TTLL13: variants seen among roughly 807,000 people sequenced by gnomAD.
TTLL13 encodes tubulin tyrosine ligase like 13, also known as tubulin polyglutamylase TTLL13.
chr15:90,251,681 G>A, the TTLL13 span: 1 of 1,493,394 alleles, frequency 6.7e-7, no homozygotes, highest in Non-Finnish European at 9.3e-7. Context: ...CCCCCGATCA[G>A]GCTTCCAGCC....
At chr15:90,250,719 C>G in the TTLL13 span, 8 of 1,614,114 alleles carry the variant, frequency 5.0e-6, no homozygotes, top group Admixed American at 1.3e-4. Context: ...GAGGGAGTTA[C>G]CAACCCCTCT....
the TTLL13 span, chr15:90,264,773 G>A: frequency 6.5e-7 from 1 of 1,536,112 alleles, no homozygotes; most frequent in South Asian, 1.2e-5. Flanking sequence ...GGCAGGATCA[G>A]TGCCACCCAC....
the TTLL13 span, among the ~76,000 whole-genome samples, chr15:90,253,003 A>G: frequency 1.3e-5 from 2 of 152,058 alleles, no homozygotes; most frequent in African/African-American, 4.8e-5. Flanking sequence ...TCTCTAAAAA[A>G]CAAACAAACA....
At chr15:90,259,119 TTG>T in the TTLL13 span, 3 of 1,329,674 alleles carry the variant, frequency 2.3e-6, no homozygotes, top group African/African-American at 3.0e-5. Flanking sequence ...TCCCAGCACT[TTG>T]GGAGGCTGAG....
At chr15:90,263,565 A>G in the TTLL13 span, 2 of 552,944 alleles carry the variant, frequency 3.6e-6, no homozygotes, top group East Asian at 5.6e-5. Flanking sequence ...CGCTTTCACT[A>G]TTCCCTGGGC....
the TTLL13 span, chr15:90,263,978 C>T: frequency 2.0e-6 from 3 of 1,535,912 alleles, no homozygotes; most frequent in African/African-American, 4.1e-5. Flanking sequence ...GGAGAGCCGG[C>T]AGCCATCAAC....
the TTLL13 span, chr15:90,258,105 A>G: frequency 6.2e-7 from 1 of 1,614,204 alleles, no homozygotes; most frequent in Non-Finnish European, 8.5e-7. Context: ...GTGGGGGGAC[A>G]TCGAGGACAT....
chr15:90,255,257 G>A, the TTLL13 span, among the ~76,000 whole-genome samples: 21 of 152,214 alleles, frequency 1.4e-4, no homozygotes, highest in Non-Finnish European at 2.9e-5. Context: ...CACCCATCCA[G>A]CAGGACAGAG....
At chr15:90,254,868 A>T in the TTLL13 span, among the ~76,000 whole-genome samples, 1 of 152,148 alleles carries the variant, frequency 6.6e-6, no homozygotes, top group Non-Finnish European at 1.5e-5. Flanking sequence ...AAAAAAAAGG[A>T]TAAGGATAAC....
chr15:90,257,430 T>C, the TTLL13 span: 84 of 1,250,778 alleles, frequency 6.7e-5, no homozygotes, highest in Non-Finnish European at 9.1e-5. Context: ...GGCAAGTGTT[T>C]GGTAGGTGGT....
At chr15:90,255,846 A>G in the TTLL13 span, 4 of 1,614,162 alleles carry the variant, frequency 2.5e-6, no homozygotes, top group South Asian at 4.4e-5. Flanking sequence ...TATCCCTCTG[A>G]GTACAACATC....
At chr15:90,261,984 T>C in the TTLL13 span, 7 of 1,519,086 alleles carry the variant, frequency 4.6e-6, no homozygotes, top group African/African-American at 8.2e-5. Flanking sequence ...TACTCTTGAC[T>C]CACTGAGCTT....
the TTLL13 span, chr15:90,258,046 C>G: frequency 6.2e-7 from 1 of 1,613,864 alleles, no homozygotes; most frequent in Non-Finnish European, 8.5e-7. Context: ...AGGAAGCTGT[C>G]GACACTCAAC....
chr15:90,262,915 T>G, the TTLL13 span: 1 of 1,511,692 alleles, frequency 6.6e-7, no homozygotes, highest in Non-Finnish European at 8.8e-7. Flanking sequence ...TGGGTGATGG[T>G]TTGGGACTTA....
chr15:90,264,495 A>G, the TTLL13 span, among the ~76,000 whole-genome samples: 1 of 152,280 alleles, frequency 6.6e-6, no homozygotes, highest in East Asian at 1.9e-4. Flanking sequence ...TGTACACTAG[A>G]CCCTGGTGAT....
At chr15:90,258,208 G>C in the TTLL13 span, 1 of 1,614,154 alleles carries the variant, frequency 6.2e-7, no homozygotes, top group African/African-American at 1.3e-5. Context: ...ACATGTGCCT[G>C]TTTTGAAATC....
chr15:90,251,004 C>T, the TTLL13 span: 3 of 1,344,550 alleles, frequency 2.2e-6, no homozygotes, highest in Non-Finnish European at 3.0e-6. Flanking sequence ...CAAAAGAGGA[C>T]AGGAAATGCT....
At chr15:90,258,837 G>A in the TTLL13 span, 12 of 1,614,030 alleles carry the variant, frequency 7.4e-6, no homozygotes, top group Admixed American at 3.3e-5. Flanking sequence ...GTCAACCTCC[G>A]GGGCTGTGAC....
chr15:90,252,577 G>T, the TTLL13 span, among the ~76,000 whole-genome samples: 1 of 152,186 alleles, frequency 6.6e-6, no homozygotes, highest in Non-Finnish European at 1.5e-5. Context: ...ACAATCTCCA[G>T]CTAGGTCCTT....
Sources: gnomAD v4.1 joint callset for allele counts (sites outside exome capture counted in the v4.1 genomes callset) on GRCh38, gnomAD v4.1.1 for gene constraint, MANE v1.5 for transcripts, NCBI Gene and HGNC (gene_info 2026-07-23, HGNC 2026-07-21) for gene names.